PLEKHA6: variants seen among roughly 807,000 people sequenced by gnomAD.
The protein encoded by PLEKHA6 is pleckstrin homology domain containing A6.
Under a neutral mutation model 116.7 loss-of-function variants are expected in PLEKHA6, and 60 were observed. That is an observed-to-expected ratio of 0.51 (90% confidence interval 0.42 to 0.64). The LOEUF is 0.64. Ranked by LOEUF, PLEKHA6 falls within the 30% of genes least tolerant of loss-of-function variation. The probability of loss-of-function intolerance (pLI) is 0.00; values close to 1 mark genes in which losing one functional copy is unlikely to be tolerated. For synonymous variants in PLEKHA6, 489 were observed against 556.1 expected (o/e 0.88, Z 1.70); for missense variants, 1,338 against 1,422.7 (o/e 0.94, Z 0.96).
chr1:204,270,917 G>A (rs113550667), intron 3 of PLEKHA6, among the ~76,000 whole-genome samples: 33 of 152,228 alleles, frequency 2.2e-4, no homozygotes, highest in Admixed American at 9.8e-4. Context: ...GGGAGGACCC[G>A]TCTTCCCTTG....
At position 204,230,510 on chromosome 1, in the gene PLEKHA6, C is replaced by A. The variant is rs752419730; in HGVS notation, c.2486G>T (p.Arg829Leu). 1 of 1,591,162 alleles carries A rather than the reference C, an allele frequency of 6.3e-7. No homozygotes were observed. The highest frequency in any genetic ancestry group is 1.1e-5 in the South Asian group (1 of 87,124). ...CCTCATGGAGCCACTCTGGTGCCGC[C>A]GCATTCGGTCAATCTGCTCCTCCAC... ...MSVEEQIDRM[R>L]RHQSGSMREK... is the part of the protein sequence containing the mutation. The change falls in exon 18 of 23, where the codon CGG (arginine) becomes CTG (leucine). Residue 829 changes from arginine to leucine, a missense_variant. Around this residue, in one of 3 missense-constraint regions of PLEKHA6, gnomAD observed 1,136 missense variants for 1,163.6 expected, o/e 0.98. Coordinates refer to ENST00000272203, the MANE Select transcript of PLEKHA6 (RefSeq NM_014935.5).
chr1:204,251,886 C>T (rs940046705), intron 9 of PLEKHA6, among the ~76,000 whole-genome samples: 45 of 152,276 alleles, frequency 3.0e-4, no homozygotes, highest in African/African-American at 9.6e-4. Context: ...CCCCAGGGTG[C>T]CTGGCTGTTG....
At chr1:204,284,801 C>G (rs144776561) in intron 1 of PLEKHA6, among the ~76,000 whole-genome samples, 20 of 152,324 alleles carry the variant, frequency 1.3e-4, no homozygotes, top group Admixed American at 7.2e-4. Context: ...TACTGAGTCA[C>G]TGTCCCTTTC....
intron 3 of PLEKHA6, among the ~76,000 whole-genome samples, chr1:204,271,648 C>T (rs1667462887): frequency 6.6e-6 from 1 of 152,190 alleles, no homozygotes; most frequent in South Asian, 2.1e-4. Flanking sequence ...CTCCCACTGA[C>T]TCCTGAATAT....
At chr1:204,310,682 T>C (rs183492219) in intron 1 of PLEKHA6, among the ~76,000 whole-genome samples, 11 of 152,346 alleles carry the variant, frequency 7.2e-5, no homozygotes, top group Admixed American at 5.2e-4. Context: ...AAATGCCTTA[T>C]ACGTAGTAGA....
chr1:204,328,019 A>G (rs1672302774), intron 1 of PLEKHA6, among the ~76,000 whole-genome samples: 2 of 152,052 alleles, frequency 1.3e-5, no homozygotes, highest in South Asian at 4.2e-4. Flanking sequence ...TGGCTGGGAT[A>G]AAAAGGAAAG....
At chr1:204,305,289 T>C (rs911146252) in intron 1 of PLEKHA6, among the ~76,000 whole-genome samples, 1 of 152,160 alleles carries the variant, frequency 6.6e-6, no homozygotes, top group African/African-American at 2.4e-5. Context: ...TAAAGGAAAG[T>C]GCGTGCATTG....
rs1453955000 is a variant in PLEKHA6 at position 204,257,777 on chromosome 1, G to A, written c.1100C>T (p.Pro367Leu). Residue 367 changes from proline to leucine, a missense_variant, in exon 9 of 23, where the codon CCA becomes CTA. Transcript: ENST00000272203. This position sits in a 1 kb window ranked among gnomAD's most constrained non-coding sequence, Gnocchi z 6.5. ...QYPDDYQYYPPGVRPESICSM... is the reference protein window; with the variant it reads ...QYPDDYQYYPLGVRPESICSM... ...ACAGATGCTCTCCGGCCGCACTCCT[G>A]GCGGGTAGTACTGATAATCATCGGG... 2 of 1,614,054 alleles carry A rather than the reference G, an allele frequency of 1.2e-6. No individual in the cohort carries two copies. The highest frequency in any genetic ancestry group is 1.6e-4 in the Middle Eastern group (1 of 6,062).
In PLEKHA6 at chr1:204,250,538, G is replaced by T; in HGVS notation, c.1593+8C>A. ...GTGGAGGGAGGGAGCAGGGGGCGCT[G>T]CTCTTACATCTGTGTCTTGCTCGTT... On this transcript the variant is annotated splice_region_variant and intron_variant, in intron 10 of 22. Coordinates refer to ENST00000272203, the MANE Select transcript of PLEKHA6 (RefSeq NM_014935.5). 6.2e-7 allele frequency: 1 copy of T among 1,607,224 alleles called. No homozygotes were observed. The highest frequency in any genetic ancestry group is 8.5e-7 in the Non-Finnish European group (1 of 1,174,468).
chr1:204,307,875 T>C, intron 1 of PLEKHA6: 2 of 985,386 alleles, frequency 2.0e-6, no homozygotes, highest in Non-Finnish European at 2.4e-6. Context: ...GGTGCTTAAG[T>C]GGCACTCAGG....
At chr1:204,298,946 C>A (rs1670550704) in intron 1 of PLEKHA6, among the ~76,000 whole-genome samples, 1 of 152,232 alleles carries the variant, frequency 6.6e-6, no homozygotes, top group African/African-American at 2.4e-5. Flanking sequence ...AAAGTCCTCT[C>A]TGCAATGAGA....
intron 1 of PLEKHA6, among the ~76,000 whole-genome samples, chr1:204,349,521 A>G (rs541329295): frequency 5.5e-4 from 80 of 146,274 alleles, no homozygotes; most frequent in Non-Finnish European, 1.0e-3. Context: ...AGCCTGGGCA[A>G]CAGAGCAGGA....
chr1:204,333,888 C>G (rs1399424648), intron 1 of PLEKHA6, among the ~76,000 whole-genome samples: 1 of 151,998 alleles, frequency 6.6e-6, no homozygotes, highest in African/African-American at 2.4e-5. Flanking sequence ...CCCTCAAAAA[C>G]AAAAAACGTC....
chr1:204,251,952 C>A (rs1664631026), intron 9 of PLEKHA6, among the ~76,000 whole-genome samples: 2 of 152,146 alleles, frequency 1.3e-5, no homozygotes, highest in African/African-American at 4.8e-5. Flanking sequence ...ATTTCTCACA[C>A]CACTTTTGAC....
intron 1 of PLEKHA6, among the ~76,000 whole-genome samples, chr1:204,306,106 G>A (rs929611857): frequency 2.0e-5 from 3 of 151,952 alleles, no homozygotes; most frequent in African/African-American, 7.3e-5. Flanking sequence ...TCTTTCTCTA[G>A]CTTTCTCCAC....
chr1:204,258,244 A>G (rs984146027), intron 8 of PLEKHA6, among the ~76,000 whole-genome samples: 8 of 152,210 alleles, frequency 5.3e-5, no homozygotes, highest in African/African-American at 1.9e-4. Flanking sequence ...AGGAGGGATG[A>G]AAGAAAGGGC....
At position 204,274,728 on chromosome 1, in the gene PLEKHA6, CA is replaced by C. The variant is rs1238653659; in HGVS notation, c.-14del. On this transcript the variant is annotated splice_region_variant and 5_prime_UTR_variant, in exon 2 of 23. Coordinates refer to ENST00000272203, the MANE Select transcript of PLEKHA6 (RefSeq NM_014935.5). ...AAACAGCAAGTAGGGGACACACTTA[CA>C]TTTTCAAGTCAAATTTTTTGTTTTC... 3.0e-5 allele frequency: 30 copies of C among 985,826 alleles called. No homozygotes were observed. The highest frequency in any genetic ancestry group is 3.5e-5 in the Non-Finnish European group (29 of 829,990). 61.1% of individuals were successfully genotyped at this position (985,826 alleles called of 1,614,324 possible).
At position 204,356,000 on chromosome 1, in the gene PLEKHA6, C is replaced by CACAA. The variant is rs1013336939; in HGVS notation, c.-95+3693_-95+3694insTTGT. ...ACACACACACACACACACACACACA[C>CACAA]AAAAAAAATCCATTCTCAGACACAG... On this transcript the variant is annotated intron_variant, in intron 1 of 22. Coordinates refer to ENST00000272203, the MANE Select transcript of PLEKHA6 (RefSeq NM_014935.5). 7.1e-3 allele frequency among the ~76,000 whole-genome samples: 338 copies of CACAA among 47,724 alleles called. 2 individuals carry two copies. The Middle Eastern group carries it at 0.14, about 20-fold the overall frequency. 31.3% of individuals were successfully genotyped at this position (47,724 alleles called of 152,430 possible). A position where few individuals can be genotyped will look rare whatever the true frequency, so the allele number is the denominator to read the frequency against.
At position 204,238,721 on chromosome 1, in the gene PLEKHA6, G is replaced by C. The variant is rs1452461527; in HGVS notation, c.2409+2654C>G. ...CATGGGGAGTTCCCTATGATCAGTT[G>C]ACAGAGGAAGAGAAGACTGAGGCCT... On this transcript the variant is annotated intron_variant, in intron 17 of 22. Coordinates refer to ENST00000272203, the MANE Select transcript of PLEKHA6 (RefSeq NM_014935.5). The surrounding 1 kb of genome is among the most constrained non-coding windows in gnomAD (Gnocchi z 4.2). Among the ~76,000 whole-genome samples the C allele has an allele frequency of 4.6e-5, 7 of 152,184 alleles. No individual in the cohort carries two copies. The highest frequency in any genetic ancestry group is 1.7e-4 in the African/African-American group (7 of 41,432).
Sources: gnomAD v4.1 joint callset for allele counts (sites outside exome capture counted in the v4.1 genomes callset) on GRCh38, gnomAD v4.1.1 for gene constraint, gnomAD v4.1.1 regional missense constraint, Gnocchi (gnomAD v3.1) non-coding constraint, MANE v1.5 for transcripts, NCBI Gene and HGNC (gene_info 2026-07-23, HGNC 2026-07-21) for gene names.